The following CADM1 variants were observed in gnomAD, a reference collection of about 807,000 sequenced individuals.
CADM1 encodes the protein TSLC-1.
Under a neutral mutation model 53.1 loss-of-function variants are expected in CADM1, and 15 were observed. That is an observed-to-expected ratio of 0.28 (90% confidence interval 0.19 to 0.44). CADM1 has a LOEUF of 0.44. Ranked by LOEUF, CADM1 falls within the 20% of genes least tolerant of loss-of-function variation. CADM1 has a pLI of 1.00. For synonymous variants in CADM1, 281 were observed against 243.0 expected (o/e 1.16, Z -1.45); for missense variants, 434 against 611.3 (o/e 0.71, Z 3.06).
At chr11:115,309,226 GTTC>G (rs1447669999) in intron 1 of CADM1, among the ~76,000 whole-genome samples, 4 of 152,120 alleles carry the variant, frequency 2.6e-5, no homozygotes, top group Admixed American at 1.3e-4. Context: ...TAAATAAAAT[GTTC>G]TTAAGGTTAA....
intron 1 of CADM1, among the ~76,000 whole-genome samples, chr11:115,468,303 C>T (rs1019929810): frequency 5.9e-5 from 9 of 152,208 alleles, no homozygotes; most frequent in South Asian, 2.1e-4. Context: ...CCCAGCACCA[C>T]GTTACATGAG....
chr11:115,237,694 C>A (rs1336119936), intron 3 of CADM1, among the ~76,000 whole-genome samples: 1 of 152,110 alleles, frequency 6.6e-6, no homozygotes, highest in African/African-American at 2.4e-5. Flanking sequence ...AATTCAGTTT[C>A]AAGAATCCAA....
At chr11:115,336,226 G>C (rs1232256404) in intron 1 of CADM1, among the ~76,000 whole-genome samples, 1 of 152,040 alleles carries the variant, frequency 6.6e-6, no homozygotes, top group African/African-American at 2.4e-5. Context: ...ACTCGATTCA[G>C]GCTAAGGCTC....
intron 10 of CADM1, among the ~76,000 whole-genome samples, chr11:115,188,657 A>G (rs1342226183): frequency 6.6e-6 from 1 of 152,194 alleles, no homozygotes; most frequent in Admixed American, 6.5e-5. Flanking sequence ...TCATTACCAC[A>G]GTTTAGCATT....
intron 1 of CADM1, among the ~76,000 whole-genome samples, chr11:115,404,346 A>AAAAAAAATATATAT (rs1947251974): frequency 3.0e-5 from 1 of 33,790 alleles, no homozygotes; most frequent in Non-Finnish European, 4.9e-5. Context: ...AAAAAAAAAA[A>AAAAAAAATATATAT]ATATATATAT....
chr11:115,288,442 G>A (rs919045834), intron 1 of CADM1, among the ~76,000 whole-genome samples: 4 of 148,406 alleles, frequency 2.7e-5, no homozygotes, highest in Non-Finnish European at 5.9e-5. Context: ...AAAAAATACA[G>A]CATCACATTT....
chr11:115,491,021 C>T (rs529147019), intron 1 of CADM1, among the ~76,000 whole-genome samples: 1 of 152,104 alleles, frequency 6.6e-6, no homozygotes, highest in East Asian at 1.9e-4. Context: ...ACTTTTAGAA[C>T]ATAGTCTGAG....
chr11:115,353,137 A>G (rs1945780171), intron 1 of CADM1, among the ~76,000 whole-genome samples: 1 of 152,194 alleles, frequency 6.6e-6, no homozygotes, highest in Non-Finnish European at 1.5e-5. Context: ...AGATGTAGAG[A>G]AGTGTTTTTG....
chr11:115,183,813 G>A (rs930585674), intron 10 of CADM1, among the ~76,000 whole-genome samples: 1 of 152,202 alleles, frequency 6.6e-6, no homozygotes, highest in Admixed American at 6.5e-5. Flanking sequence ...TCATTTTTAC[G>A]TTTAAGCCAT....
intron 10 of CADM1, among the ~76,000 whole-genome samples, chr11:115,179,676 C>T (rs963325652): frequency 7.9e-5 from 12 of 152,022 alleles, no homozygotes; most frequent in East Asian, 1.9e-4. Flanking sequence ...ATTATTCTCC[C>T]GTTGATTAAT....
At position 115,229,134 on chromosome 11, in the gene CADM1, G is replaced by C. The variant is rs1297212162; in HGVS notation, c.700C>G (p.Gln234Glu). The C allele has an allele frequency of 6.2e-7, 1 of 1,614,000 alleles. No individual in the cohort carries two copies. Among genetic ancestry groups the C allele is most frequent in the Non-Finnish European group, 8.5e-7 (1 of 1,179,992 alleles). Residue 234 changes from glutamine (Q) to glutamate (E), a missense_variant, in exon 5 of 12, where the codon CAG (glutamine) becomes GAG (glutamate). Gln to Glu is a conservative substitution (Grantham distance 29). Coordinates refer to ENST00000331581, the MANE Select transcript of CADM1 (RefSeq NM_001301043.2). ...HPAVTGNLQTQRYLEVQYKPQ... is the reference protein window; with the variant it reads ...HPAVTGNLQTERYLEVQYKPQ... ...TCACACTGTACTTCTAGATACCGCT[G>C]GGTCTGCAGGTTTCCAGTGACCGCA...
At chr11:115,500,045 C>A (rs936210583) in intron 1 of CADM1, among the ~76,000 whole-genome samples, 3 of 152,082 alleles carry the variant, frequency 2.0e-5, no homozygotes, top group Non-Finnish European at 4.4e-5. Flanking sequence ...GCTTCCAACT[C>A]AAAGCAGCAA....
At chr11:115,193,724 A>C (rs1940007689) in intron 9 of CADM1, 1 of 151,968 alleles carries the variant, frequency 6.6e-6, no homozygotes, top group South Asian at 2.1e-4. Context: ...TTTTTTCCAG[A>C]AAATTTTGAA....
chr11:115,232,545 C>T (rs1591628391), intron 3 of CADM1, among the ~76,000 whole-genome samples: 1 of 152,148 alleles, frequency 6.6e-6, no homozygotes, highest in Admixed American at 6.5e-5. Context: ...ATTACAACCA[C>T]CCTTCTGTAA....
chr11:115,219,398 T>C (rs1941318275), intron 5 of CADM1, among the ~76,000 whole-genome samples: 1 of 152,208 alleles, frequency 6.6e-6, no homozygotes, highest in Non-Finnish European at 1.5e-5. Context: ...TTACATGGCA[T>C]TCAAAACCTT....
At chr11:115,346,442 G>A (rs1460622078) in intron 1 of CADM1, among the ~76,000 whole-genome samples, 3 of 151,952 alleles carry the variant, frequency 2.0e-5, no homozygotes, top group East Asian at 1.9e-4. Context: ...TATGTTCCCC[G>A]GGCTGATCTT....
intron 1 of CADM1, among the ~76,000 whole-genome samples, chr11:115,315,369 T>C (rs1394485843): frequency 6.6e-6 from 1 of 152,192 alleles, no homozygotes; most frequent in African/African-American, 2.4e-5. Context: ...TACAAAGTTT[T>C]TGACTTGTCC....
chr11:115,323,842 T>A (rs1944888362), intron 1 of CADM1, among the ~76,000 whole-genome samples: 1 of 151,714 alleles, frequency 6.6e-6, no homozygotes, highest in South Asian at 2.1e-4. Flanking sequence ...GGATTCATTA[T>A]GTGGCAGTGG....
chr11:115,328,187 G>A (rs578248018), intron 1 of CADM1, among the ~76,000 whole-genome samples: 1 of 151,846 alleles, frequency 6.6e-6, no homozygotes, highest in South Asian at 2.1e-4. Context: ...AAGACACCCA[G>A]AACGAAAATC....
Sources: gnomAD v4.1 joint callset for allele counts (sites outside exome capture counted in the v4.1 genomes callset) on GRCh38, gnomAD v4.1.1 for gene constraint, MANE v1.5 for transcripts, NCBI Gene and HGNC (gene_info 2026-07-23, HGNC 2026-07-21) for gene names.